The following PHF2 variants were observed in gnomAD, a reference collection of about 807,000 sequenced individuals.
PHF2 encodes the protein lysine-specific demethylase PHF2.
Under a neutral mutation model 120.5 loss-of-function variants are expected in PHF2, and 27 were observed. That is an observed-to-expected ratio of 0.22 (90% CI 0.17 to 0.31). The LOEUF (loss-of-function observed/expected upper bound fraction) is 0.31, where lower values mean the gene tolerates loss of function less well. Ranked by LOEUF, PHF2 falls within the 10% of genes least tolerant of loss-of-function variation. The pLI is 1.00. For synonymous variants in PHF2, 568 were observed against 592.5 expected, an observed-to-expected ratio of 0.96 and a Z score of 0.60; for missense variants, 1,024 against 1,434.8, an observed-to-expected ratio of 0.71 and a Z score of 4.63.
At chr9:93,603,377 C>T (rs1276115127) in intron 1 of PHF2, among the ~76,000 whole-genome samples, 1 of 152,084 alleles carries the variant, frequency 6.6e-6, no homozygotes, top group Admixed American at 6.5e-5. Context: ...GAGTTTAGGG[C>T]ATTGACAAGC....
At chr9:93,599,184 C>A (rs1241611299) in intron 1 of PHF2, among the ~76,000 whole-genome samples, 1 of 152,194 alleles carries the variant, frequency 6.6e-6, no homozygotes, top group African/African-American at 2.4e-5. Context: ...CCTGCAGGGG[C>A]TCTCCAGGGT....
rs1017084309 is a variant in PHF2, at chr9:93,678,169, CTGAG to C, written c.*497_*500del. 1 of 154,528 alleles carries C rather than the reference CTGAG, an allele frequency of 6.5e-6. No homozygotes were observed. The highest frequency in any genetic ancestry group is 2.4e-5 in the African/African-American group (1 of 41,490). The allele number at this position is 154,528 out of a possible 1,614,324, so 9.6% of individuals were successfully genotyped here. On this transcript the variant is annotated 3_prime_UTR_variant, in exon 22 of 22. Transcript: ENST00000359246. ...GATGTTTATGTCCCCCCTTCTCTTC[CTGAG>C]TGATTCTCAGCCAAGTCCAGACAGT...
chr9:93,580,014 CT>C lies in PHF2; in HGVS notation c.98+3145del, dbSNP rs565053964. On this transcript the variant is annotated intron_variant, in intron 1 of 21. Transcript: ENST00000359246. ...GGAGGGAGAATCGTTGTGTTCTATCCTTGGGGTCATGCATCCTGCATTCACT... is the reference window on the plus strand; with the variant it reads ...GGAGGGAGAATCGTTGTGTTCTATCCTGGGGTCATGCATCCTGCATTCACT... Among the ~76,000 whole-genome samples, 22 of 152,312 alleles carry C rather than the reference CT, an allele frequency of 1.4e-4. 1 individual carries two copies. In the South Asian group the frequency reaches 4.4e-3, roughly 30 times the overall value.
intron 1 of PHF2, among the ~76,000 whole-genome samples, chr9:93,584,599 A>G (rs1564371142): frequency 6.6e-6 from 1 of 152,230 alleles, no homozygotes; most frequent in Non-Finnish European, 1.5e-5. Flanking sequence ...CCATTGGTCT[A>G]TATGTGTCTC....
At chr9:93,628,493 A>G (rs1292440962) in intron 1 of PHF2, among the ~76,000 whole-genome samples, 2 of 152,114 alleles carry the variant, frequency 1.3e-5, no homozygotes, top group African/African-American at 4.8e-5. Flanking sequence ...CATTTCATCC[A>G]GGTTATGTAA....
intron 1 of PHF2, among the ~76,000 whole-genome samples, chr9:93,600,101 CTGTA>C (rs1825411894): frequency 6.6e-6 from 1 of 151,806 alleles, no homozygotes. Context: ...TCTGTGTGGT[CTGTA>C]TGTGTGTAGT....
chr9:93,615,646 T>G (rs1174449521), intron 1 of PHF2, among the ~76,000 whole-genome samples: 1 of 152,186 alleles, frequency 6.6e-6, no homozygotes, highest in African/African-American at 2.4e-5. Flanking sequence ...GCACTGGGTG[T>G]CACAGGCTGC....
intron 1 of PHF2, among the ~76,000 whole-genome samples, chr9:93,593,651 C>T (rs1294147378): frequency 2.0e-5 from 3 of 152,166 alleles, no homozygotes; most frequent in Non-Finnish European, 4.4e-5. Flanking sequence ...GAATTCTACA[C>T]TGTTGAATGA....
intron 3 of PHF2, among the ~76,000 whole-genome samples, chr9:93,638,852 G>A (rs921684751): frequency 1.3e-4 from 20 of 152,176 alleles, no homozygotes; most frequent in African/African-American, 4.8e-4. Flanking sequence ...CTAAGTAGCT[G>A]GGACTACAGG....
chr9:93,662,788 A>C, intron 12 of PHF2, 119 bp from the exon 13 acceptor site: 1 of 1,181,474 alleles, frequency 8.5e-7, no homozygotes, highest in Non-Finnish European at 1.2e-6. Flanking sequence ...GGATGGGTAG[A>C]TGGATGGAGG....
chr9:93,601,712 G>A (rs756535959), intron 1 of PHF2, among the ~76,000 whole-genome samples: 2 of 152,128 alleles, frequency 1.3e-5, no homozygotes, highest in African/African-American at 2.4e-5. Context: ...TATGAATCTC[G>A]TGGATTGCTT....
intron 1 of PHF2, among the ~76,000 whole-genome samples, chr9:93,597,764 C>T (rs939672334): frequency 3.3e-5 from 5 of 152,156 alleles, no homozygotes; most frequent in Non-Finnish European, 5.9e-5. Flanking sequence ...TTTTCATGTG[C>T]CCCTTACATT....
chr9:93,649,374 C>CTTTTTTTTTTTTTTTTTT (rs752368762), intron 5 of PHF2, among the ~76,000 whole-genome samples, 162 bp downstream of exon 5: 1 of 105,832 alleles, frequency 9.4e-6, no homozygotes, highest in Non-Finnish European at 1.8e-5. Context: ...AAATTTTTTC[C>CTTTTTTTTTTTTTTTTTT]TTTTTTTTTT....
chr9:93,656,164 C>T lies in PHF2; in HGVS notation c.1040+143C>T. 1 of 674,986 alleles carries T rather than the reference C, an allele frequency of 1.5e-6. No homozygotes were observed. The highest frequency in any genetic ancestry group is 2.6e-6 in the Non-Finnish European group (1 of 387,660). 41.8% of individuals were successfully genotyped at this position (674,986 alleles called of 1,614,324 possible). A position where few individuals can be genotyped will look rare whatever the true frequency, so the allele number is the denominator to read the frequency against. On this transcript the variant is annotated intron_variant, in intron 8 of 21. Transcript: ENST00000359246. The surrounding 1 kb of genome is among the most constrained non-coding windows in gnomAD (Gnocchi z 4.1). Reference sequence around the variant, plus strand: ...GACATGACCGTCAGCCTCGGTGGGCCTCTTTGTGATGTGGAGGGAAGGAGG... The same window carrying T: ...GACATGACCGTCAGCCTCGGTGGGCTTCTTTGTGATGTGGAGGGAAGGAGG...
chr9:93,628,658 C>T (rs563194228), intron 1 of PHF2, among the ~76,000 whole-genome samples: 16 of 152,102 alleles, frequency 1.1e-4, no homozygotes, highest in South Asian at 8.3e-4. Context: ...AGCTTGCTGC[C>T]CTGACCCCCT....
intron 2 of PHF2, among the ~76,000 whole-genome samples, chr9:93,636,015 A>G (rs1181038706): frequency 6.6e-6 from 1 of 152,028 alleles, no homozygotes; most frequent in African/African-American, 2.4e-5. Context: ...CCAGTAGGGA[A>G]GTGACAGAGT....
At chr9:93,661,407 GTGAA>G (rs1826562273) in intron 12 of PHF2, among the ~76,000 whole-genome samples, 1 of 152,216 alleles carries the variant, frequency 6.6e-6, no homozygotes, top group South Asian at 2.1e-4. Flanking sequence ...GGATGAATGG[GTGAA>G]TGAATGAATA....
chr9:93,651,802 G>A (rs867027148), intron 5 of PHF2, among the ~76,000 whole-genome samples: 1 of 152,240 alleles, frequency 6.6e-6, no homozygotes, highest in Non-Finnish European at 1.5e-5. Flanking sequence ...GGCCAAGCAA[G>A]GGAAAGAAGG....
intron 1 of PHF2, among the ~76,000 whole-genome samples, chr9:93,605,734 A>T (rs2131621259): frequency 6.6e-6 from 1 of 152,190 alleles, no homozygotes; most frequent in East Asian, 1.9e-4. Context: ...TTTTTTCATG[A>T]CCTGATAGTT....
Sources: gnomAD v4.1 joint callset for allele counts (sites outside exome capture counted in the v4.1 genomes callset) on GRCh38, gnomAD v4.1.1 for gene constraint, Gnocchi (gnomAD v3.1) non-coding constraint, MANE v1.5 for transcripts, NCBI Gene and HGNC (gene_info 2026-07-23, HGNC 2026-07-21) for gene names.